ACER3: variants seen among roughly 807,000 people sequenced by gnomAD.
The protein encoded by ACER3 is alkaline ceramidase 3, also known as alkCDase 3.
Under a neutral mutation model 48.9 loss-of-function variants are expected in ACER3, and 16 were observed. That is an observed-to-expected ratio of 0.33 (90% CI 0.22 to 0.50). ACER3 has a LOEUF of 0.50. Among genes scored for constraint, ACER3 ranks in the 20% least tolerant of loss-of-function variants. The pLI is 0.98. For synonymous variants in ACER3, 109 were observed against 107.8 expected (o/e 1.01, Z -0.07); for missense variants, 227 against 326.0 (o/e 0.70, Z 2.34).
chr11:76,971,901 G>A (rs998370589), intron 3 of ACER3, among the ~76,000 whole-genome samples: 7 of 152,116 alleles, frequency 4.6e-5, no homozygotes, highest in African/African-American at 1.7e-4. Flanking sequence ...CCTAGATCCA[G>A]ATGAAGGGGT....
intron 3 of ACER3, among the ~76,000 whole-genome samples, chr11:76,960,742 AGGAG>A (rs1472805535): frequency 6.6e-6 from 1 of 152,114 alleles, no homozygotes; most frequent in Non-Finnish European, 1.5e-5. Context: ...ACTAGGAGTG[AGGAG>A]GGTATTTGCA....
intron 1 of ACER3, among the ~76,000 whole-genome samples, chr11:76,897,452 A>G (rs2134651017): frequency 6.6e-6 from 1 of 152,282 alleles, no homozygotes; most frequent in South Asian, 2.1e-4. Flanking sequence ...TTACCTATGC[A>G]TCATTTTATA....
chr11:76,878,404 A>G (rs189737003), intron 1 of ACER3, among the ~76,000 whole-genome samples: 7 of 152,176 alleles, frequency 4.6e-5, no homozygotes, highest in East Asian at 1.9e-4. Flanking sequence ...AGTTAAATCT[A>G]TTGGTATTTA....
intron 2 of ACER3, among the ~76,000 whole-genome samples, chr11:76,953,401 C>A (rs1043149939): frequency 2.0e-5 from 3 of 152,052 alleles, no homozygotes; most frequent in African/African-American, 7.2e-5. Context: ...GAGTTGAGAC[C>A]AGCCTGGCCA....
At chr11:76,967,983 G>T (rs1171628023) in intron 3 of ACER3, among the ~76,000 whole-genome samples, 1 of 152,254 alleles carries the variant, frequency 6.6e-6, no homozygotes, top group East Asian at 1.9e-4. Context: ...ATTCAATTAG[G>T]AAAAGAGGAA....
At chr11:76,919,862 C>G (rs572025856) in intron 1 of ACER3, among the ~76,000 whole-genome samples, 40 of 152,254 alleles carry the variant, frequency 2.6e-4, no homozygotes, top group African/African-American at 9.6e-4. Flanking sequence ...GAACCCTCAC[C>G]AACTATAGTT....
At chr11:76,973,080 C>A (rs1346360337) in intron 3 of ACER3, among the ~76,000 whole-genome samples, 2 of 152,208 alleles carry the variant, frequency 1.3e-5, no homozygotes, top group East Asian at 1.9e-4. Context: ...TCTTGGAGCC[C>A]TATAAGTGAG....
At chr11:76,921,530 TA>T (rs1381925651) in intron 1 of ACER3, among the ~76,000 whole-genome samples, 16 of 152,282 alleles carry the variant, frequency 1.1e-4, no homozygotes, top group African/African-American at 3.6e-4. Flanking sequence ...CAGGTGCTCG[TA>T]AATGTTAGTA....
rs141125453 is a variant in ACER3 at position 76,876,175 on chromosome 11, G to A, written c.103+15096G>A. ...ATGTAACAACCTCTATCAAGATGTG[G>A]AACTTTACCATCAGCCAGGAAAGTT... On this transcript the variant is annotated intron_variant, in intron 1 of 10. Transcript: ENST00000532485. 5.3e-3 allele frequency among the ~76,000 whole-genome samples: 804 copies of A among 152,128 alleles called. 5 individuals are homozygous for A. Among genetic ancestry groups the A allele is most frequent in the Non-Finnish European group, 8.2e-3 (558 of 67,996 alleles).
At chr11:76,991,203 G>T (rs1021026957) in intron 6 of ACER3, among the ~76,000 whole-genome samples, 3 of 152,090 alleles carry the variant, frequency 2.0e-5, no homozygotes, top group African/African-American at 7.2e-5. Flanking sequence ...TAAGTAATTT[G>T]CCCTAGGGTG....
At chr11:76,967,248 A>C (rs1170507525) in intron 3 of ACER3, among the ~76,000 whole-genome samples, 1 of 152,192 alleles carries the variant, frequency 6.6e-6, no homozygotes, top group Non-Finnish European at 1.5e-5. Context: ...CCCTCCCAAG[A>C]CTAAACCAGG....
At chr11:77,014,992 G>T (rs2135323728) in intron 7 of ACER3, 24 bp from the exon 8 acceptor site, 1 of 1,381,528 alleles carries the variant, frequency 7.2e-7, no homozygotes, top group East Asian at 2.3e-5. Context: ...ATTTTATTTT[G>T]CTTTTCTGTT....
intron 5 of ACER3, among the ~76,000 whole-genome samples, chr11:76,986,110 A>G (rs938350380): frequency 2.6e-5 from 4 of 152,218 alleles, no homozygotes; most frequent in Admixed American, 2.6e-4. Context: ...AAGTTGAGAT[A>G]GCTAGTCACT....
At chr11:76,865,042 C>G (rs1167452140) in intron 1 of ACER3, among the ~76,000 whole-genome samples, 1 of 150,204 alleles carries the variant, frequency 6.7e-6, no homozygotes, top group Non-Finnish European at 1.5e-5. Context: ...GGCACAATCA[C>G]AGCTCACTGC....
At chr11:77,000,514 AT>A (rs551074512) in intron 7 of ACER3, among the ~76,000 whole-genome samples, 2 of 151,898 alleles carry the variant, frequency 1.3e-5, no homozygotes, top group Non-Finnish European at 2.9e-5. Context: ...ATTTGTTCTT[AT>A]TTTTTTTCTA....
chr11:76,877,843 A>T (rs1255452665), intron 1 of ACER3, among the ~76,000 whole-genome samples: 1 of 152,014 alleles, frequency 6.6e-6, no homozygotes, highest in Non-Finnish European at 1.5e-5. Flanking sequence ...ACCACTTTGC[A>T]TTCCTAAAAA....
chr11:76,953,626 C>T (rs1947752071), intron 2 of ACER3, among the ~76,000 whole-genome samples: 2 of 151,924 alleles, frequency 1.3e-5, no homozygotes, highest in African/African-American at 4.8e-5. Context: ...AGACAGAAAA[C>T]TTCTATTTGT....
chr11:76,999,255 A>T (rs113728997), intron 7 of ACER3, among the ~76,000 whole-genome samples: 61 of 152,284 alleles, frequency 4.0e-4, no homozygotes, highest in African/African-American at 1.3e-3. Context: ...ATTATTTGGG[A>T]AATGGGTATA....
At chr11:76,929,948 T>C (rs1946948441) in intron 2 of ACER3, among the ~76,000 whole-genome samples, 1 of 152,114 alleles carries the variant, frequency 6.6e-6, no homozygotes, top group South Asian at 2.1e-4. Context: ...GTTGTGTCTC[T>C]GCCAGGCTTT....
Sources: gnomAD v4.1 joint callset for allele counts (sites outside exome capture counted in the v4.1 genomes callset) on GRCh38, gnomAD v4.1.1 for gene constraint, MANE v1.5 for transcripts, NCBI Gene and HGNC (gene_info 2026-07-23, HGNC 2026-07-21) for gene names.